The following SLC39A10 variants were observed in gnomAD, a reference collection of about 807,000 sequenced individuals.
SLC39A10 encodes solute carrier family 39 member 10, also known as zinc transporter ZIP10.
Under a neutral mutation model 65.1 loss-of-function variants are expected in SLC39A10, and 13 were observed. That is an observed-to-expected ratio of 0.20 (90% CI 0.13 to 0.32). The LOEUF (loss-of-function observed/expected upper bound fraction) is 0.32. SLC39A10 is among the 10% of genes least tolerant of loss of function. SLC39A10 has a pLI of 1.00. For missense variants in SLC39A10, 831 were observed against 1,018.4 expected, an observed-to-expected ratio of 0.82 and a Z score of 2.50; for synonymous variants, 321 against 342.2, an observed-to-expected ratio of 0.94 and a Z score of 0.68.
intron 3 of SLC39A10, among the ~76,000 whole-genome samples, chr2:195,684,543 CCCTTAA>C (rs142724399): frequency 0.018 from 2,717 of 152,168 alleles, 76 homozygotes; most frequent in African/African-American, 0.062. Flanking sequence ...AAATTTGTAC[CCCTTAA>C]TGGATCCCAA....
At chr2:195,727,550 A>G (rs1692289642) in intron 8 of SLC39A10, among the ~76,000 whole-genome samples, 1 of 152,046 alleles carries the variant, frequency 6.6e-6, no homozygotes. Flanking sequence ...AAATAACTGT[A>G]ACCATAGCAT....
intron 4 of SLC39A10, among the ~76,000 whole-genome samples, 168 bp from the exon 5 acceptor site, chr2:195,708,488 T>G (rs988340036): frequency 6.6e-6 from 1 of 152,184 alleles, no homozygotes; most frequent in Non-Finnish European, 1.5e-5. Flanking sequence ...GACAACTGAG[T>G]AAAGCAAATT....
chr2:195,627,501 A>G (rs1688497214), intron 2 of SLC39A10, among the ~76,000 whole-genome samples: 1 of 152,190 alleles, frequency 6.6e-6, no homozygotes, highest in South Asian at 2.1e-4. Flanking sequence ...TTTTATCCAA[A>G]TTAACATAAC....
At chr2:195,642,848 G>A (rs960577409) in intron 2 of SLC39A10, among the ~76,000 whole-genome samples, 1 of 152,174 alleles carries the variant, frequency 6.6e-6, no homozygotes, top group Non-Finnish European at 1.5e-5. Flanking sequence ...GAGATTGCCT[G>A]TGTGTATGGA....
chr2:195,613,285 A>C (rs1688138216), intron 2 of SLC39A10, among the ~76,000 whole-genome samples: 1 of 151,930 alleles, frequency 6.6e-6, no homozygotes, highest in South Asian at 2.1e-4. Flanking sequence ...TTTTTAGCTC[A>C]AAAGGAGAAT....
At chr2:195,719,900 C>T (rs1361470518) in intron 8 of SLC39A10, among the ~76,000 whole-genome samples, 4 of 151,650 alleles carry the variant, frequency 2.6e-5, no homozygotes, top group Non-Finnish European at 5.9e-5. Context: ...AAGTAATTCT[C>T]CTGCCTCAGC....
At chr2:195,678,031 A>C (rs1004406229) in intron 1 of SLC39A10, among the ~76,000 whole-genome samples, 10 of 152,198 alleles carry the variant, frequency 6.6e-5, no homozygotes, top group African/African-American at 2.4e-4. Context: ...TACAGGTGTG[A>C]GTCACCACAC....
At chr2:195,689,110 A>G (rs1452332267) in intron 3 of SLC39A10, among the ~76,000 whole-genome samples, 3 of 152,228 alleles carry the variant, frequency 2.0e-5, no homozygotes, top group Non-Finnish European at 2.9e-5. Flanking sequence ...AAAACAGTGG[A>G]TTAAAAATTA....
In SLC39A10 at chr2:195,639,693, C is replaced by T. The variant is rs560527205; in HGVS notation, c.-12+33460C>T. ...TCACCTCCTGGGTTCCAGCAATTCT[C>T]AACCTCCCGAGTAGCTGGGATTACA... is the stretch of plus-strand genomic sequence containing the variant. On this transcript the variant is annotated intron_variant, in intron 2 of 2. Coordinates refer to the SLC39A10 transcript ENST00000458054. Among the ~76,000 whole-genome samples, 3 of 152,166 alleles carry T rather than the reference C, an allele frequency of 2.0e-5. No homozygotes were observed. In the East Asian group the frequency reaches 5.8e-4, roughly 29 times the overall value.
chr2:195,680,461 A>G lies in SLC39A10; in HGVS notation c.419A>G (p.Gln140Arg), dbSNP rs1690258313. The G allele has an allele frequency of 1.2e-6, 2 of 1,614,206 alleles. No homozygotes were observed. The highest frequency in any genetic ancestry group is 8.5e-7 in the Non-Finnish European group (1 of 1,180,030). Residue 140 changes from glutamine (Q) to arginine (R), a missense_variant, in exon 2 of 10, where the codon CAA (glutamine) becomes CGA (arginine). This residue lies in a region of SLC39A10 where 446 missense variants were observed against 499.2 expected (regional missense o/e 0.89). Transcript: ENST00000359634. ...CATAATCATTTAAATTCAGAAAATC[A>G]AACTGTGACCAGTGTATCCACAAAA... is the stretch of plus-strand genomic sequence containing the variant. ...HSHNHLNSEN[Q>R]TVTSVSTKRN...
At chr2:195,718,229 G>T (rs1559048182) in intron 7 of SLC39A10, 23 bp from the exon 8 acceptor site, 8 of 1,589,274 alleles carry the variant, frequency 5.0e-6, no homozygotes, top group Non-Finnish European at 6.9e-6. Flanking sequence ...AACCTCACTT[G>T]TTTTTTTTCT....
At chr2:195,651,070 C>CA (rs907577354) in intron 2 of SLC39A10, among the ~76,000 whole-genome samples, 10 of 148,556 alleles carry the variant, frequency 6.7e-5, no homozygotes, top group Admixed American at 1.3e-4. Context: ...GACCCCGTCT[C>CA]AAAAAAAATG....
chr2:195,723,893 A>T (rs1445281348), intron 8 of SLC39A10, among the ~76,000 whole-genome samples: 4 of 152,152 alleles, frequency 2.6e-5, no homozygotes, highest in Admixed American at 6.5e-5. Context: ...CTGCACATGT[A>T]CCCCATGCTT....
intron 3 of SLC39A10, among the ~76,000 whole-genome samples, chr2:195,686,111 A>C (rs1214075593): frequency 1.3e-5 from 2 of 152,194 alleles, no homozygotes; most frequent in African/African-American, 4.8e-5. Context: ...AATGAGCAAA[A>C]TGATGTATAT....
intron 3 of SLC39A10, among the ~76,000 whole-genome samples, chr2:195,705,253 C>G (rs1691357410): frequency 6.6e-6 from 1 of 152,174 alleles, no homozygotes; most frequent in African/African-American, 2.4e-5. Context: ...GGTAGATCCT[C>G]AGCCCTCTAA....
intron 2 of SLC39A10, among the ~76,000 whole-genome samples, chr2:195,644,841 A>G (rs1205052952): frequency 3.3e-5 from 5 of 151,470 alleles, no homozygotes; most frequent in African/African-American, 1.2e-4. Flanking sequence ...TCACATTTGT[A>G]TTATGTTCAA....
chr2:195,690,201 AAAG>A (rs1690685192), intron 3 of SLC39A10, among the ~76,000 whole-genome samples: 1 of 136,706 alleles, frequency 7.3e-6, no homozygotes, highest in Non-Finnish European at 1.6e-5. Context: ...AAAAAAAAAG[AAAG>A]AAATTCCTTC....
intron 4 of SLC39A10, 44 bp from the exon 5 acceptor site, chr2:195,708,612 A>G: frequency 7.1e-7 from 1 of 1,403,768 alleles, no homozygotes; most frequent in Non-Finnish European, 9.6e-7. Flanking sequence ...TTTAAATAGC[A>G]TTTCAATTAT....
intron 5 of SLC39A10, among the ~76,000 whole-genome samples, chr2:195,711,677 A>G (rs1019329230): frequency 9.9e-5 from 15 of 152,224 alleles, no homozygotes; most frequent in Admixed American, 9.2e-4. Context: ...TCAAACCACA[A>G]GTTAAATAAT....
Sources: gnomAD v4.1 joint callset for allele counts (sites outside exome capture counted in the v4.1 genomes callset) on GRCh38, gnomAD v4.1.1 for gene constraint, gnomAD v4.1.1 regional missense constraint, MANE v1.5 for transcripts, NCBI Gene and HGNC (gene_info 2026-07-23, HGNC 2026-07-21) for gene names.